The following FBLN1 variants were observed in gnomAD, a reference collection of about 807,000 sequenced individuals.
The protein encoded by FBLN1 is fibulin 1, also known as fibulin-1.
A neutral mutation model predicts 89.7 loss-of-function variants in FBLN1; 34 were observed. The observed-to-expected ratio is 0.38, with a 90% CI of 0.29 to 0.50. The LOEUF (loss-of-function observed/expected upper bound fraction) is 0.50, where lower values mean the gene tolerates loss of function less well. Ranked by LOEUF, FBLN1 falls within the 20% of genes least tolerant of loss-of-function variation. FBLN1 has a pLI of 0.92. For synonymous variants in FBLN1, 393 were observed against 391.3 expected (o/e 1.00, Z -0.05); for missense variants, 777 against 988.1 (o/e 0.79, Z 2.86).
At chr22:45,600,087 G>A (rs1186940996) in intron 16 of FBLN1, among the ~76,000 whole-genome samples, 1 of 152,220 alleles carries the variant, frequency 6.6e-6, no homozygotes, top group Non-Finnish European at 1.5e-5. Context: ...AGCAAGTAGT[G>A]AGTTCACTTT....
chr22:45,546,287 G>A (rs1024374661), intron 11 of FBLN1, among the ~76,000 whole-genome samples: 1 of 152,150 alleles, frequency 6.6e-6, no homozygotes, highest in Non-Finnish European at 1.5e-5. Context: ...GTGTGATCTT[G>A]GCTCACTGCA....
rs921462875 is a variant in FBLN1, at chr22:45,535,547, A to G, written c.922+210A>G. 3.3e-5 allele frequency: 20 copies of G among 599,730 alleles called. No homozygotes were observed. The South Asian group carries it at 3.7e-4, about 11-fold the overall frequency. The allele number at this position is 599,730 out of a possible 1,614,324, so 37.2% of individuals were successfully genotyped here. On this transcript the variant is annotated intron_variant, in intron 8 of 16. Coordinates refer to ENST00000327858, the MANE Select transcript of FBLN1 (RefSeq NM_006486.3). ...TGTCATAATAGTCAACTCTGCTGTT[A>G]TAGTCTAAAGCGGCCAAGGGCCATC... is the stretch of plus-strand genomic sequence containing the variant.
chr22:45,526,905 C>T (rs1399351092), intron 3 of FBLN1, among the ~76,000 whole-genome samples: 1 of 152,158 alleles, frequency 6.6e-6, no homozygotes, highest in Admixed American at 6.5e-5. Flanking sequence ...TGCCCATGTC[C>T]CCAGACTTGA....
rs1230693933 is a variant in FBLN1 at position 45,561,793 on chromosome 22, T to G, written c.1697+11178T>G. ...TCACAAGGTCCCACAATAGGCCATC[T>G]GAAGGCTGAGGAGCAAGGAGAGCCA... On this transcript the variant is annotated intron_variant, in intron 14 of 16. Coordinates refer to ENST00000327858, the MANE Select transcript of FBLN1 (RefSeq NM_006486.3). The surrounding 1 kb of genome is among the most constrained non-coding windows in gnomAD (Gnocchi z 4.7). Among the ~76,000 whole-genome samples, 1 of 152,192 alleles carries G rather than the reference T, an allele frequency of 6.6e-6. No homozygotes were observed. Among genetic ancestry groups the G allele is most frequent in the Non-Finnish European group, 1.5e-5 (1 of 68,038 alleles).
Position 45,549,147 on chromosome 22 carries a change from G to T in FBLN1, c.1573+403G>T, listed in dbSNP as rs1031468866. The stretch of plus-strand genomic sequence containing the variant: ...TGGCCCAGGGATACTCATGGCTATG[G>T]GTCAGCTCCAGCATCGGCTAAGTAA... On this transcript the variant is annotated intron_variant, in intron 13 of 16. Transcript: ENST00000327858. This position sits in a 1 kb window ranked among gnomAD's most constrained non-coding sequence, Gnocchi z 5.7. 3.3e-4 allele frequency among the ~76,000 whole-genome samples: 50 copies of T among 152,282 alleles called. No individual in the cohort carries two copies. The highest frequency in any genetic ancestry group is 1.1e-3 in the African/African-American group (47 of 41,562).
At chr22:45,527,656 T>G (rs2088347189) in intron 3 of FBLN1, among the ~76,000 whole-genome samples, 191 bp from the exon 4 acceptor site, 1 of 152,046 alleles carries the variant, frequency 6.6e-6, no homozygotes, top group Non-Finnish European at 1.5e-5. Flanking sequence ...CTAGATGATT[T>G]GGAGTAGGGG....
Position 45,563,433 on chromosome 22 carries a change from G to T in FBLN1, c.1698-11078G>T. The T allele has an allele frequency of 6.9e-7, 1 of 1,455,312 alleles. No homozygotes were observed. Among genetic ancestry groups the T allele is most frequent in the East Asian group, 2.5e-5 (1 of 40,360 alleles). The allele number at this position is 1,455,312 out of a possible 1,614,324, so 90.1% of individuals were successfully genotyped here. ...CGCTTGTTACCCGGGGGTGAGCTGG[G>T]CACTGGCCACCGCCTGGTACCCCCG... is the stretch of plus-strand genomic sequence containing the variant. On this transcript the variant is annotated intron_variant, in intron 14 of 16. Coordinates refer to ENST00000327858, the MANE Select transcript of FBLN1 (RefSeq NM_006486.3). The surrounding 1 kb of genome is among the most constrained non-coding windows in gnomAD (Gnocchi z 5.7).
intron 16 of FBLN1, among the ~76,000 whole-genome samples, chr22:45,594,962 C>G (rs2089172281): frequency 6.6e-6 from 1 of 152,128 alleles, no homozygotes; most frequent in Non-Finnish European, 1.5e-5. Context: ...AATCTTGATT[C>G]TGCAGGCATT....
At chr22:45,558,038 G>A (rs997524399) in intron 14 of FBLN1, 5 of 715,582 alleles carry the variant, frequency 7.0e-6, no homozygotes, top group Admixed American at 2.0e-5. Flanking sequence ...AATGATCTGT[G>A]AACCAGGCCC....
At chr22:45,538,371 A>G (rs934584734) in intron 8 of FBLN1, among the ~76,000 whole-genome samples, 1 of 152,266 alleles carries the variant, frequency 6.6e-6, no homozygotes, top group South Asian at 2.1e-4. Context: ...AAGTGTAGGA[A>G]GTAAACGCTC....
Position 45,525,555 on chromosome 22 carries a change from G to A in FBLN1, c.198G>A (p.Glu66=), listed in dbSNP as rs1394015760. 4.8e-5 allele frequency: 75 copies of A among 1,549,300 alleles called. No homozygotes were observed. Among genetic ancestry groups the A allele is most frequent in the Non-Finnish European group, 6.4e-5 (73 of 1,146,804 alleles). The change falls in exon 3 of 17, where the codon GAG becomes GAA. Residue 66 remains glutamate (E), a synonymous_variant. Coordinates refer to ENST00000327858, the MANE Select transcript of FBLN1 (RefSeq NM_006486.3). The part of the protein sequence containing the change: ...TESKECRMVQ[E]QCCHSQLEEL... Reference sequence around the variant, plus strand: ...CCCTCACCCACAGGATGGTGCAGGAGCAGTGCTGCCACAGCCAGCTGGAGG... The same window carrying A: ...CCCTCACCCACAGGATGGTGCAGGAACAGTGCTGCCACAGCCAGCTGGAGG...
chr22:45,589,103 A>T (rs916174715), intron 16 of FBLN1, among the ~76,000 whole-genome samples: 2 of 147,794 alleles, frequency 1.4e-5, no homozygotes, highest in Non-Finnish European at 3.0e-5. Context: ...TATAAAAAAT[A>T]TATAAAAATA....
rs2088873487 is a variant in FBLN1, at chr22:45,563,392, G to A, written c.1698-11119G>A. ...CGCGTGCCTTGGTTTTATTTGGCATGGTTGGGAGTCTGTGCCGCTTGTTAC... is the reference window on the plus strand; with the variant it reads ...CGCGTGCCTTGGTTTTATTTGGCATAGTTGGGAGTCTGTGCCGCTTGTTAC... On this transcript the variant is annotated intron_variant, in intron 14 of 16. Transcript: ENST00000327858. This position sits in a 1 kb window ranked among gnomAD's most constrained non-coding sequence, Gnocchi z 5.7. The A allele has an allele frequency of 6.5e-7, 1 of 1,533,860 alleles. No homozygotes were observed. The highest frequency in any genetic ancestry group is 8.7e-7 in the Non-Finnish European group (1 of 1,145,662).
chr22:45,506,737 C>T (rs561621934), intron 1 of FBLN1, among the ~76,000 whole-genome samples: 87 of 152,298 alleles, frequency 5.7e-4, no homozygotes, highest in African/African-American at 2.1e-3. Context: ...CAGTTCCACC[C>T]CCTCCTCACC....
chr22:45,516,425 G>A (rs1003664947), intron 1 of FBLN1, among the ~76,000 whole-genome samples: 7 of 152,192 alleles, frequency 4.6e-5, no homozygotes, highest in African/African-American at 1.7e-4. Context: ...AACAGATAAG[G>A]TCCTTGGCTT....
rs535298020 is a variant in FBLN1, at chr22:45,537,142, C to T, written c.922+1805C>T. 7.5e-4 allele frequency among the ~76,000 whole-genome samples: 114 copies of T among 152,320 alleles called. 3 individuals are homozygous for T. The highest frequency in any genetic ancestry group is 4.1e-3 in the South Asian group (20 of 4,820). On this transcript the variant is annotated intron_variant, in intron 8 of 16. Transcript: ENST00000327858. This position sits in a 1 kb window ranked among gnomAD's most constrained non-coding sequence, Gnocchi z 5.7. The stretch of plus-strand genomic sequence containing the variant: ...AGCTACAGATCACACTAGTCAGAAC[C>T]TCCCCACCTGGGGTGGCCCCATCAC...
chr22:45,553,813 A>C (rs1374958557), intron 14 of FBLN1, among the ~76,000 whole-genome samples: 1 of 152,120 alleles, frequency 6.6e-6, no homozygotes. Context: ...GCACCAGAAC[A>C]CCACGCACAC....
chr22:45,548,463 G>A (rs1035136035), intron 12 of FBLN1, 150 bp from the exon 13 acceptor site: 2 of 1,019,242 alleles, frequency 2.0e-6, no homozygotes, highest in African/African-American at 3.2e-5. Flanking sequence ...GCCTCTCTGA[G>A]CACGATGGTC....
intron 16 of FBLN1, among the ~76,000 whole-genome samples, chr22:45,585,729 G>T (rs1405232730): frequency 1.3e-5 from 2 of 152,168 alleles, no homozygotes; most frequent in Non-Finnish European, 2.9e-5. Flanking sequence ...AGGGTTCCAG[G>T]AGGTGGAGGG....
Sources: allele counts gnomAD v4.1 joint callset (sites outside exome capture counted in the v4.1 genomes callset), GRCh38; gene constraint gnomAD v4.1.1; non-coding constraint Gnocchi (gnomAD v3.1); transcripts MANE v1.5; gene names NCBI Gene and HGNC (gene_info 2026-07-23, HGNC 2026-07-21).